The following MAZ variants were observed in gnomAD, a reference collection of about 807,000 sequenced individuals.
MAZ encodes myc-associated zinc finger protein.
Under a neutral mutation model 32.7 loss-of-function variants are expected in MAZ, and 4 were observed. The ratio of observed to expected loss-of-function variants is 0.12; its 90% CI spans 0.06 to 0.28. The LOEUF (loss-of-function observed/expected upper bound fraction) is 0.28. MAZ is among the 10% of genes least tolerant of loss of function. MAZ has a pLI of 1.00. For missense variants in MAZ, 763 were observed against 667.2 expected, an observed-to-expected ratio of 1.14 and a Z score of -1.58; for synonymous variants, 510 against 297.6, an observed-to-expected ratio of 1.71 and a Z score of -7.35.
In MAZ at chr16:29,806,552, CG is replaced by C; in HGVS notation, c.-146del. On this transcript the variant is annotated 5_prime_UTR_variant, in exon 1 of 5. Transcript: ENST00000322945. ...CCCTCTTTTCCTCCCTCCCGCCGGC[CG>C]GGGTGCGCGGGCGGCGGGGCGGCCC... The C allele has an allele frequency of 1.1e-6, 1 of 902,460 alleles. No individual in the cohort carries two copies. The highest frequency in any genetic ancestry group is 1.3e-6 in the Non-Finnish European group (1 of 761,682). 55.9% of individuals were successfully genotyped at this position (902,460 alleles called of 1,614,324 possible).
Position 29,807,706 on chromosome 16 carries a change from C to T in MAZ, c.921C>T (p.Tyr307=), listed in dbSNP as rs201498662. 1.1e-5 allele frequency: 18 copies of T among 1,612,946 alleles called. No homozygotes were observed. The East Asian group carries it at 2.9e-4, about 26-fold the overall frequency. The part of the protein sequence containing the change: ...HKLSHSDEKP[Y]QCPVCQQRFK... ...TGTCGCACTCGGACGAGAAGCCCTA[C>T]CAGTGCCCGGTGTGCCAGCAGCGCT... Residue 307 remains tyrosine (Y), a synonymous_variant, in exon 2 of 5, where the codon TAC becomes TAT. Coordinates refer to ENST00000322945, the MANE Select transcript of MAZ (RefSeq NM_002383.4).
intron 2 of MAZ, 40 bp from the exon 3 acceptor site, chr16:29,808,190 C>T (rs1448752788): frequency 2.6e-6 from 4 of 1,565,974 alleles, no homozygotes; most frequent in Non-Finnish European, 3.5e-6. Context: ...ATTTGGGGCG[C>T]ACCACCTCCG....
Position 29,810,283 on chromosome 16 carries a change from A to C in MAZ, c.*52A>C. 6.6e-7 allele frequency: 1 copy of C among 1,516,462 alleles called. No individual in the cohort carries two copies. Among genetic ancestry groups the C allele is most frequent in the Non-Finnish European group, 9.0e-7 (1 of 1,116,696 alleles). 93.9% of individuals were successfully genotyped at this position (1,516,462 alleles called of 1,614,324 possible). A position where few individuals can be genotyped will look rare whatever the true frequency, so the allele number is the denominator to read the frequency against. On this transcript the variant is annotated 3_prime_UTR_variant, in exon 5 of 5. Coordinates refer to ENST00000322945, the MANE Select transcript of MAZ (RefSeq NM_002383.4). ...GGAGAATGGAGTAGAGTCCCTTGGT[A>C]CAAGCTCCTCTCCCCCCTCTTTTCC...
chr16:29,807,199 G>T lies in MAZ; in HGVS notation c.414G>T (p.Pro138=). ...CTCCGGCGCCCCCTCCGCCACCCCC[G>T]CCAGTGTCGGCGCCCGCGGCCGAGG... ...KQPPAPPPPP[P]PVSAPAAEAA... The change falls in exon 2 of 5, where the codon CCG becomes CCT. Residue 138 remains proline, a synonymous_variant. Transcript: ENST00000322945. The T allele has an allele frequency of 8.5e-7, 1 of 1,180,568 alleles. No individual in the cohort carries two copies. Among genetic ancestry groups the T allele is most frequent in the Non-Finnish European group, 1.1e-6 (1 of 938,626 alleles). The allele number at this position is 1,180,568 out of a possible 1,614,324, so 73.1% of individuals were successfully genotyped here.
intron 2 of MAZ, 33 bp downstream of exon 2, chr16:29,807,861 G>T: frequency 6.3e-7 from 1 of 1,590,932 alleles, no homozygotes; most frequent in Non-Finnish European, 8.5e-7. Flanking sequence ...CCGCTAGGCC[G>T]TGGGGAGGGA....
At chr16:29,809,466 C>T (rs1235155520) in intron 4 of MAZ, 17 of 940,810 alleles carry the variant, frequency 1.8e-5, no homozygotes, top group Non-Finnish European at 2.7e-5. Context: ...GCATCCCCCG[C>T]CTAGGAGATC....
At chr16:29,808,387 CTTCTTTTTGCCTTTT>C in intron 3 of MAZ, 94 bp downstream of exon 3, 1 of 1,319,966 alleles carries the variant, frequency 7.6e-7, no homozygotes, top group Non-Finnish European at 1.1e-6. Context: ...TTTTCTCTCT[CTTCTTTTTGCCTTTT>C]TGCTCCATTT....
intron 2 of MAZ, 167 bp from the exon 3 acceptor site, chr16:29,808,063 C>T (rs1405079586): frequency 3.0e-6 from 3 of 989,078 alleles, no homozygotes; most frequent in Non-Finnish European, 3.0e-6. Context: ...GCGGCGGCGG[C>T]GGCAGCGGCT....
At position 29,808,621 on chromosome 16, in the gene MAZ, C is replaced by T; in HGVS notation, c.1159C>T (p.Arg387Ter). 1 of 1,613,370 alleles carries T rather than the reference C, an allele frequency of 6.2e-7. No homozygotes were observed. Among genetic ancestry groups the T allele is most frequent in the Non-Finnish European group, 8.5e-7 (1 of 1,179,898 alleles). Residue 387 changes from arginine to a stop codon, truncating the protein, a stop_gained, in exon 4 of 5, where the codon CGA becomes TGA. Transcript: ENST00000322945. LOFTEE classifies it high-confidence loss of function. Reference sequence around the variant, plus strand: ...GGATCGGCTGCGGGCGCACACAGTACGACACGAGGAGAAAGTGCCATGTCA... The same window carrying T: ...GGATCGGCTGCGGGCGCACACAGTATGACACGAGGAGAAAGTGCCATGTCA... ...TKDRLRAHTV[R>*]HEEKVPCHVC...
Position 29,807,808 on chromosome 16 carries a change from C to G in MAZ, c.1023C>G (p.His341Gln), listed in dbSNP as rs1899612121. The G allele has an allele frequency of 1.2e-6, 2 of 1,608,976 alleles. No homozygotes were observed. The highest frequency in any genetic ancestry group is 1.3e-5 in the African/African-American group (1 of 74,928). Reference protein sequence around the residue: ...GAVHKPYNCSHCGKSFSRPDH... With the variant: ...GAVHKPYNCSQCGKSFSRPDH... ...TGCACAAGCCCTACAACTGCTCCCA[C>G]TGTGGCAAGAGCTTCTCCCGGTGTG... The change falls in exon 2 of 5, where the codon CAC (histidine) becomes CAG (glutamine). Residue 341 changes from histidine to glutamine, a missense_variant. By Grantham distance (24) the His-to-Gln change is conservative. Coordinates refer to ENST00000322945, the MANE Select transcript of MAZ (RefSeq NM_002383.4).
In MAZ at chr16:29,807,451, G is replaced by C; in HGVS notation, c.666G>C (p.Ser222=). The C allele has an allele frequency of 1.9e-6, 3 of 1,612,384 alleles. No homozygotes were observed. The highest frequency in any genetic ancestry group is 2.5e-6 in the Non-Finnish European group (3 of 1,179,736). Residue 222 remains serine (S), a synonymous_variant, in exon 2 of 5, where the codon TCG becomes TCC. Coordinates refer to ENST00000322945, the MANE Select transcript of MAZ (RefSeq NM_002383.4). ...GAGCCAAGGCCGGCCGGGTCCCCTC[G>C]GGTGCTATGAAGATGCCGACCATGG... ...HTGAKAGRVP[S]GAMKMPTMVP...
chr16:29,808,690 A>G lies in MAZ; in HGVS notation c.1228A>G (p.Met410Val). ...GAGCTCGGCTTATATTTCGGACCAC[A>G]TGAAGGTGCACAGCCAGGGTCCTCA... is the stretch of plus-strand genomic sequence containing the variant. ...MLSSAYISDH[M>V]KVHSQGPHHV... Residue 410 changes from methionine (M) to valine (V), a missense_variant, in exon 4 of 5, where the codon ATG becomes GTG. Transcript: ENST00000322945. 6.2e-7 allele frequency: 1 copy of G among 1,614,004 alleles called. No individual in the cohort carries two copies.
In MAZ at chr16:29,809,355, C is replaced by T. The variant is rs1047609854; in HGVS notation, c.1279+614C>T. ...AGAAGCGGGCACCACACAAGCCAGGCCCCAGGCTCAGGGAGGGGCTGTGTC... is the reference window on the plus strand; with the variant it reads ...AGAAGCGGGCACCACACAAGCCAGGTCCCAGGCTCAGGGAGGGGCTGTGTC... On this transcript the variant is annotated intron_variant, in intron 4 of 4. Coordinates refer to ENST00000322945, the MANE Select transcript of MAZ (RefSeq NM_002383.4). 3.5e-5 allele frequency: 21 copies of T among 593,144 alleles called. No homozygotes were observed. In the African/African-American group the frequency reaches 3.8e-4, roughly 11 times the overall value. 36.7% of individuals were successfully genotyped at this position (593,144 alleles called of 1,614,324 possible).
chr16:29,810,407 C>A lies in MAZ; in HGVS notation c.*176C>A. Reference sequence around the variant, plus strand: ...TTCGCTAGGTTTTAACGATTTGTTTCTCCTGCTCCTCTTCTGTCAGACCTG... The same window carrying A: ...TTCGCTAGGTTTTAACGATTTGTTTATCCTGCTCCTCTTCTGTCAGACCTG... On this transcript the variant is annotated 3_prime_UTR_variant, in exon 5 of 5. Transcript: ENST00000322945. 1 of 767,688 alleles carries A rather than the reference C, an allele frequency of 1.3e-6. No individual in the cohort carries two copies. Among genetic ancestry groups the A allele is most frequent in the Non-Finnish European group, 2.3e-6 (1 of 444,322 alleles). The allele number at this position is 767,688 out of a possible 1,614,324, so 47.6% of individuals were successfully genotyped here.
At chr16:29,809,401 T>A in intron 4 of MAZ, 1 of 648,656 alleles carries the variant, frequency 1.5e-6, no homozygotes, top group Middle Eastern at 4.0e-4. Context: ...AACAGAGCAG[T>A]TGGCCCCAGG....
Position 29,810,576 on chromosome 16 carries a change from C to T in MAZ, c.*345C>T, listed in dbSNP as rs907837149. ...TGTCTTCCCAGGGACTTGTGAGCCT[C>T]TTCCCTCGACGGTCCTCTTCTCTCC... is the stretch of plus-strand genomic sequence containing the variant. On this transcript the variant is annotated 3_prime_UTR_variant, in exon 5 of 5. Coordinates refer to ENST00000322945, the MANE Select transcript of MAZ (RefSeq NM_002383.4). The T allele has an allele frequency of 1.0e-5, 7 of 695,852 alleles. No homozygotes were observed. Among genetic ancestry groups the T allele is most frequent in the Non-Finnish European group, 1.8e-5 (7 of 380,914 alleles). The allele number at this position is 695,852 out of a possible 1,614,324, so 43.1% of individuals were successfully genotyped here. A position where few individuals can be genotyped will look rare whatever the true frequency, so the allele number is the denominator to read the frequency against.
In MAZ at chr16:29,810,328, A is replaced by C. The variant is rs1205479519; in HGVS notation, c.*97A>C. ...TTTTCCCACCAACTCCTATTTCCCT[A>C]CCAACCAAGGAGCCTCCAGAAGGAA... On this transcript the variant is annotated 3_prime_UTR_variant, in exon 5 of 5. Coordinates refer to ENST00000322945, the MANE Select transcript of MAZ (RefSeq NM_002383.4). 1 of 1,242,498 alleles carries C rather than the reference A, an allele frequency of 8.0e-7. No individual in the cohort carries two copies. Among genetic ancestry groups the C allele is most frequent in the Admixed American group, 2.0e-5 (1 of 50,592 alleles). 77.0% of individuals were successfully genotyped at this position (1,242,498 alleles called of 1,614,324 possible). A position where few individuals can be genotyped will look rare whatever the true frequency, so the allele number is the denominator to read the frequency against.
In MAZ at chr16:29,807,208, G is replaced by A; in HGVS notation, c.423G>A (p.Ser141=). ...CCCCTCCGCCACCCCCGCCAGTGTC[G>A]GCGCCCGCGGCCGAGGCCGCGCCCC... ...PAPPPPPPPV[S]APAAEAAPPA... is the part of the protein sequence containing the mutation. The change falls in exon 2 of 5, where the codon TCG becomes TCA. Residue 141 remains serine, a synonymous_variant. Transcript: ENST00000322945. The A allele has an allele frequency of 1.6e-6, 2 of 1,235,036 alleles. No homozygotes were observed. The highest frequency in any genetic ancestry group is 2.0e-6 in the Non-Finnish European group (2 of 980,828). 76.5% of individuals were successfully genotyped at this position (1,235,036 alleles called of 1,614,324 possible). A position where few individuals can be genotyped will look rare whatever the true frequency, so the allele number is the denominator to read the frequency against.
intron 4 of MAZ, chr16:29,809,188 T>G: frequency 2.0e-6 from 1 of 495,054 alleles, no homozygotes; most frequent in Non-Finnish European, 3.6e-6. Context: ...TTAACTGGGT[T>G]GAGACCGCGG....
Sources: gnomAD v4.1 joint callset for allele counts on GRCh38, gnomAD v4.1.1 for gene constraint, MANE v1.5 for transcripts, NCBI Gene and HGNC (gene_info 2026-07-23, HGNC 2026-07-21) for gene names.